The following CELSR1 variants were observed in gnomAD, a reference collection of about 807,000 sequenced individuals.
The protein encoded by CELSR1 is adhesion G protein-coupled receptor C1.
In CELSR1, 110 loss-of-function variants were observed where a neutral mutation model predicts 249.1. The observed-to-expected ratio is 0.44, with a 90% CI of 0.38 to 0.52. The LOEUF (loss-of-function observed/expected upper bound fraction) is 0.52, where lower values mean the gene tolerates loss of function less well. CELSR1 is among the 20% of genes least tolerant of loss of function. The probability of loss-of-function intolerance (pLI) is 0.00; values close to 1 mark genes in which losing one functional copy is unlikely to be tolerated. For missense variants in CELSR1, 4,109 were observed against 4,296.4 expected (o/e 0.96, Z 1.22); for synonymous variants, 2,113 against 1,900.0 (o/e 1.11, Z -2.92).
Position 46,363,522 on chromosome 22 carries a change from G to T in CELSR1, c.9036-275C>A. ...CCGGCCATCTCTACAGTGACTTTTG[G>T]AAGGGGCATTCTGAAGACCTGGCTT... On this transcript the variant is annotated intron_variant, in intron 34 of 34. Transcript: ENST00000674500. The surrounding 1 kb of genome is among the most constrained non-coding windows in gnomAD (Gnocchi z 4.3). 1 of 392,138 alleles carries T rather than the reference G, an allele frequency of 2.6e-6. No homozygotes were observed. Among genetic ancestry groups the T allele is most frequent in the South Asian group, 3.5e-5 (1 of 28,710 alleles). The allele number at this position is 392,138 out of a possible 1,614,324, so 24.3% of individuals were successfully genotyped here.
Position 46,396,735 on chromosome 22 carries a change from T to C in CELSR1, c.5713A>G (p.Ile1905Val). 1.2e-6 allele frequency: 2 copies of C among 1,612,674 alleles called. No individual in the cohort carries two copies. Among genetic ancestry groups the C allele is most frequent in the Non-Finnish European group, 1.7e-6 (2 of 1,179,400 alleles). Residue 1905 changes from isoleucine (I) to valine (V), a missense_variant, in exon 13 of 35, where the codon ATA becomes GTA. Transcript: ENST00000674500. This position sits in a 1 kb window ranked among gnomAD's most constrained non-coding sequence, Gnocchi z 6.4. Reference sequence around the variant, plus strand: ...AGGTGACAGGCATCCACACAGTTTATTCCAAGGTACCCTGCAAGGACAGAG... The same window carrying C: ...AGGTGACAGGCATCCACACAGTTTACTCCAAGGTACCCTGCAAGGACAGAG... ...SCVCDKGYLG[I>V]NCVDACHLNP...
chr22:46,368,096 A>C (rs3788679), intron 27 of CELSR1, among the ~76,000 whole-genome samples: 5,516 of 152,252 alleles, frequency 0.036, 346 homozygotes, highest in African/African-American at 0.12. Flanking sequence ...ATTAGGAAGC[A>C]AATGAGAAAA....
At chr22:46,479,107 C>G (rs1317157270) in intron 1 of CELSR1, among the ~76,000 whole-genome samples, 1 of 151,800 alleles carries the variant, frequency 6.6e-6, no homozygotes, top group Admixed American at 6.6e-5. Context: ...CCCTGTGCCA[C>G]TATCTCCATC....
At position 46,364,028 on chromosome 22, in the gene CELSR1, A is replaced by C; in HGVS notation, c.9003T>G (p.Thr3001=). The C allele has an allele frequency of 6.2e-7, 1 of 1,610,340 alleles. No individual in the cohort carries two copies. Residue 3001 remains threonine (T), a synonymous_variant, in exon 34 of 35, where the codon ACT becomes ACG. Transcript: ENST00000674500. ...HLNGVAMNVR[T]GSAQADGSDS... is the part of the protein sequence containing the mutation. ...CGGAGCCATCGGCCTGGGCGCTCCC[A>C]GTGCGCACATTCATGGCCACCCCGT...
chr22:46,478,446 G>A (rs1391708340), intron 1 of CELSR1, among the ~76,000 whole-genome samples: 1 of 152,146 alleles, frequency 6.6e-6, no homozygotes, highest in Non-Finnish European at 1.5e-5. Flanking sequence ...ATGACAATGC[G>A]GCCCTGAGCA....
chr22:46,435,656 C>G (rs1024358737), intron 4 of CELSR1, among the ~76,000 whole-genome samples: 1 of 152,124 alleles, frequency 6.6e-6, no homozygotes, highest in Non-Finnish European at 1.5e-5. Context: ...TGAACCAGAT[C>G]GTCCACATTT....
intron 1 of CELSR1, among the ~76,000 whole-genome samples, chr22:46,483,546 T>C (rs2080287423): frequency 6.6e-6 from 1 of 152,164 alleles, no homozygotes; most frequent in African/African-American, 2.4e-5. Flanking sequence ...TTAACCTCTA[T>C]GTGCTTTGGT....
intron 1 of CELSR1, among the ~76,000 whole-genome samples, chr22:46,509,089 T>G (rs1466659242): frequency 1.3e-5 from 2 of 152,200 alleles, no homozygotes. Context: ...CCTGTCCCTG[T>G]ATCTGGCACC....
At position 46,382,037 on chromosome 22, in the gene CELSR1, C is replaced by T. The variant is rs763777820; in HGVS notation, c.6897G>A (p.Leu2299=). The change falls in exon 21 of 35, where the codon CTG becomes CTA. Residue 2299 remains leucine, a synonymous_variant. Coordinates refer to ENST00000674500, the MANE Select transcript of CELSR1 (RefSeq NM_001378328.1). ...GGGTGGTCCTCCGGCCAGCCGGCCT[C>T]AGCAGGGGGCCTTCTGCAATGTGAG... is the stretch of plus-strand genomic sequence containing the variant. The part of the protein sequence containing the change: ...RPPEEKEGPL[L]RPAGRRTTPQ... 2 of 1,540,202 alleles carry T rather than the reference C, an allele frequency of 1.3e-6. No homozygotes were observed. The highest frequency in any genetic ancestry group is 1.4e-5 in the African/African-American group (1 of 73,048).
Position 46,390,786 on chromosome 22 carries a change from C to G in CELSR1, c.6251-300G>C, listed in dbSNP as rs1294866501. Among the ~76,000 whole-genome samples, 1 of 152,216 alleles carries G rather than the reference C, an allele frequency of 6.6e-6. No individual in the cohort carries two copies. The highest frequency in any genetic ancestry group is 2.4e-5 in the African/African-American group (1 of 41,458). On this transcript the variant is annotated intron_variant, in intron 16 of 34. Coordinates refer to ENST00000674500, the MANE Select transcript of CELSR1 (RefSeq NM_001378328.1). The surrounding 1 kb of genome is among the most constrained non-coding windows in gnomAD (Gnocchi z 6.3). ...CTGCCGGCAGCCACGATCCCATGCA[C>G]CAGGAATCCATTTCGGCTGGGCCTT...
intron 22 of CELSR1, among the ~76,000 whole-genome samples, 154 bp from the exon 23 acceptor site, chr22:46,378,871 C>A (rs1272073977): frequency 6.6e-6 from 1 of 152,216 alleles, no homozygotes; most frequent in Non-Finnish European, 1.5e-5. Context: ...AGCGCCCTCG[C>A]AGGCTGCTCC....
intron 1 of CELSR1, chr22:46,481,404 C>T: frequency 7.7e-7 from 1 of 1,294,612 alleles, no homozygotes. Context: ...CATCCACACA[C>T]TTGGTCACAC....
intron 1 of CELSR1, among the ~76,000 whole-genome samples, chr22:46,508,104 T>C (rs2080533632): frequency 6.6e-6 from 1 of 152,128 alleles, no homozygotes; most frequent in South Asian, 2.1e-4. Context: ...GCACAGCCTG[T>C]ACATGCCCCT....
chr22:46,455,522 A>G (rs2079937787), intron 2 of CELSR1, among the ~76,000 whole-genome samples: 1 of 152,064 alleles, frequency 6.6e-6, no homozygotes, highest in Non-Finnish European at 1.5e-5. Context: ...TCTAGTTTTG[A>G]ATTCCTGACC....
rs983646960 is a variant in CELSR1 at position 46,413,732 on chromosome 22, C to T, written c.4612-1973G>A. Among the ~76,000 whole-genome samples the T allele has an allele frequency of 2.6e-5, 4 of 152,272 alleles. No homozygotes were observed. The highest frequency in any genetic ancestry group is 2.0e-4 in the Admixed American group (3 of 15,298). ...CACTTTTGGTTAAGCAACAGGTAGG[C>T]GAGTGCATTAAAAATCATCTGTTTT... On this transcript the variant is annotated intron_variant, in intron 5 of 34. Coordinates refer to ENST00000674500, the MANE Select transcript of CELSR1 (RefSeq NM_001378328.1). This position sits in a 1 kb window ranked among gnomAD's most constrained non-coding sequence, Gnocchi z 4.7.
At position 46,418,355 on chromosome 22, in the gene CELSR1, G is replaced by A. The variant is rs369606369; in HGVS notation, c.4612-6596C>T. On this transcript the variant is annotated intron_variant, in intron 5 of 34. Coordinates refer to ENST00000674500, the MANE Select transcript of CELSR1 (RefSeq NM_001378328.1). ...AAAAAAATTAGCCAGGCATGGTGGT[G>A]GGGGCCTGTAATCCCAGCTACTTGG... 3.9e-5 allele frequency among the ~76,000 whole-genome samples: 6 copies of A among 152,204 alleles called. No homozygotes were observed. In the East Asian group the frequency reaches 7.7e-4, roughly 20 times the overall value.
chr22:46,406,810 C>T lies in CELSR1; in HGVS notation c.5226+2186G>A, dbSNP rs908737841. 2.0e-5 allele frequency among the ~76,000 whole-genome samples: 3 copies of T among 152,190 alleles called. No individual in the cohort carries two copies. Among genetic ancestry groups the T allele is most frequent in the Admixed American group, 6.5e-5 (1 of 15,284 alleles). Reference sequence around the variant, plus strand: ...AGCAGGCACTCCGTAAAATCCATCTCACCTCTCACCATCTGACCTTAGCCC... The same window carrying T: ...AGCAGGCACTCCGTAAAATCCATCTTACCTCTCACCATCTGACCTTAGCCC... On this transcript the variant is annotated intron_variant, in intron 9 of 34. Transcript: ENST00000674500. The surrounding 1 kb of genome is among the most constrained non-coding windows in gnomAD (Gnocchi z 5.4).
chr22:46,369,869 G>A (rs746458067), intron 25 of CELSR1, 65 bp from the exon 26 acceptor site: 220 of 1,402,326 alleles, frequency 1.6e-4, no homozygotes, highest in Admixed American at 2.0e-4. Context: ...CCATGCCAAG[G>A]ACCAGCCAGG....
In CELSR1 at chr22:46,447,147, T is replaced by C. The variant is rs977780701; in HGVS notation, c.4184-7736A>G. ...CAGGGAGAATCCTGAATTGGCGGCA[T>C]TTGTAAACACTCCCACCAAGGCTGA... On this transcript the variant is annotated intron_variant, in intron 2 of 34. Coordinates refer to ENST00000674500, the MANE Select transcript of CELSR1 (RefSeq NM_001378328.1). This position sits in a 1 kb window ranked among gnomAD's most constrained non-coding sequence, Gnocchi z 4.7. Among the ~76,000 whole-genome samples, 5 of 152,132 alleles carry C rather than the reference T, an allele frequency of 3.3e-5. No homozygotes were observed. The highest frequency in any genetic ancestry group is 4.1e-4 in the South Asian group (2 of 4,828).
Sources: allele counts gnomAD v4.1 joint callset (sites outside exome capture counted in the v4.1 genomes callset), GRCh38; gene constraint gnomAD v4.1.1; non-coding constraint Gnocchi (gnomAD v3.1); transcripts MANE v1.5; gene names NCBI Gene and HGNC (gene_info 2026-07-23, HGNC 2026-07-21).